Variants in RTTN observed in about 807,000 individuals in gnomAD.
The protein encoded by RTTN is rotatin.
Under a neutral mutation model 269.2 loss-of-function variants are expected in RTTN, and 182 were observed. That is an observed-to-expected ratio of 0.68 (90% confidence interval 0.60 to 0.76). RTTN has a LOEUF of 0.76. Ranked by LOEUF, RTTN falls within the 30% of genes least tolerant of loss-of-function variation. The probability of loss-of-function intolerance (pLI) is 0.00; values close to 1 mark genes in which losing one functional copy is unlikely to be tolerated. For synonymous variants in RTTN, 1,006 were observed against 963.5 expected, an observed-to-expected ratio of 1.04 and a Z score of -0.82; for missense variants, 2,545 against 2,608.6, an observed-to-expected ratio of 0.98 and a Z score of 0.53.
intron 32 of RTTN, 132 bp downstream of exon 32, chr18:70,086,481 G>T: frequency 2.6e-6 from 2 of 770,280 alleles, no homozygotes; most frequent in Non-Finnish European, 4.4e-6. Context: ...CAAATTCTAC[G>T]TTCTATTTTA....
rs370191861 is a variant in RTTN at position 70,119,601 on chromosome 18, T to A, written c.3528+1955A>T. 2.0e-5 allele frequency among the ~76,000 whole-genome samples: 3 copies of A among 152,028 alleles called. No individual in the cohort carries two copies. The East Asian group carries it at 5.8e-4, about 29-fold the overall frequency. On this transcript the variant is annotated intron_variant, in intron 26 of 48. Transcript: ENST00000640769. ...ATACAATTCATGAAAAGACCGAATA[T>A]GAAAAAATCTCCATCTAATTCAAAA...
At chr18:70,006,319 T>A in intron 47 of RTTN, 62 bp downstream of exon 47, 2 of 1,178,296 alleles carry the variant, frequency 1.7e-6, no homozygotes, top group Non-Finnish European at 2.5e-6. Context: ...TCCTAAGAGT[T>A]TATACCTGGG....
chr18:70,043,158 A>G (rs1821579), intron 40 of RTTN, among the ~76,000 whole-genome samples: 113,580 of 152,204 alleles, frequency 0.75, 47,789 homozygotes, highest in East Asian at 1. Context: ...AGTTCTGACA[A>G]TTCTGAACAC....
intron 28 of RTTN, among the ~76,000 whole-genome samples, chr18:70,102,648 TAC>T (rs2059201392): frequency 6.6e-6 from 1 of 152,212 alleles, no homozygotes; most frequent in African/African-American, 2.4e-5. Flanking sequence ...CGTTAGTTGA[TAC>T]AGTTTCTTCC....
At chr18:70,037,512 G>A (rs549636653) in intron 40 of RTTN, among the ~76,000 whole-genome samples, 12 of 152,254 alleles carry the variant, frequency 7.9e-5, no homozygotes, top group African/African-American at 2.6e-4. Flanking sequence ...ACAAAATGTG[G>A]GCCAAGGGAA....
At chr18:70,200,230 G>A (rs2061914299) in intron 4 of RTTN, among the ~76,000 whole-genome samples, 1 of 152,154 alleles carries the variant, frequency 6.6e-6, no homozygotes, top group Non-Finnish European at 1.5e-5. Flanking sequence ...CCCAAACATA[G>A]CACAGTTACT....
rs1439768629 is a variant in RTTN at position 70,006,452 on chromosome 18, C to T, written c.6454G>A (p.Glu2152Lys). Residue 2152 changes from glutamate to lysine, a missense_variant, in exon 47 of 49, where the codon GAA (glutamate) becomes AAA (lysine). Glu to Lys is a moderately conservative substitution (Grantham distance 56, BLOSUM62 1). Transcript: ENST00000640769. ...KVITVLAACL[E>K]SENQNAQRIG... ...CTCTGAGCATTTTGATTCTCACTTT[C>T]CAGACAGGCAGCAAGCACAGTAATG... is the stretch of plus-strand genomic sequence containing the variant. 1.9e-6 allele frequency: 3 copies of T among 1,614,064 alleles called. No homozygotes were observed. In the African/African-American group the frequency reaches 4.0e-5, roughly 22 times the overall value.
chr18:70,028,837 C>T, intron 42 of RTTN, 36 bp from the exon 43 acceptor site: 5 of 1,386,832 alleles, frequency 3.6e-6, no homozygotes, highest in Non-Finnish European at 5.1e-6. Context: ...ACTGTGAATG[C>T]AACAGCATAC....
chr18:70,187,062 G>A (rs1220329146), intron 10 of RTTN, among the ~76,000 whole-genome samples: 1 of 152,044 alleles, frequency 6.6e-6, no homozygotes, highest in Admixed American at 6.6e-5. Context: ...ATCTACCCTA[G>A]AGACATACCT....
chr18:70,020,687 C>T lies in RTTN; in HGVS notation c.6081G>A (p.Thr2027=), dbSNP rs1176322186. Residue 2027 remains threonine (T), a synonymous_variant, in exon 45 of 49, where the codon ACG becomes ACA. Coordinates refer to ENST00000640769, the MANE Select transcript of RTTN (RefSeq NM_173630.4). ...LASQMPLENT[T]VQQMVFMLLS... ...GAAGCATAAAAACCATCTGCTGAAC[C>T]GTGGTGTTCTCCAGTGGCATCTGGG... 5 of 1,614,052 alleles carry T rather than the reference C, an allele frequency of 3.1e-6. No individual in the cohort carries two copies. Among genetic ancestry groups the T allele is most frequent in the Non-Finnish European group, 4.2e-6 (5 of 1,179,938 alleles).
intron 16 of RTTN, 149 bp from the exon 17 acceptor site, chr18:70,149,186 A>G: frequency 1.5e-6 from 1 of 679,346 alleles, no homozygotes; most frequent in Non-Finnish European, 2.4e-6. Context: ...AATAACTTCT[A>G]TGAGCCAAGG....
intron 34 of RTTN, among the ~76,000 whole-genome samples, chr18:70,069,040 C>T (rs1343956821): frequency 6.6e-6 from 1 of 152,076 alleles, no homozygotes; most frequent in East Asian, 1.9e-4. Context: ...GATGTTTGGT[C>T]AAAGAGTGCA....
At chr18:70,141,444 TA>T (rs1230746592) in intron 19 of RTTN, among the ~76,000 whole-genome samples, 6 of 152,122 alleles carry the variant, frequency 3.9e-5, no homozygotes, top group African/African-American at 1.4e-4. Flanking sequence ...TATGCAGCCA[TA>T]AAAAAGGATG....
intron 27 of RTTN, among the ~76,000 whole-genome samples, chr18:70,113,453 C>T (rs1007878674): frequency 6.6e-6 from 1 of 152,150 alleles, no homozygotes; most frequent in South Asian, 2.1e-4. Flanking sequence ...AATGGTATAG[C>T]TGCTGTGGAA....
chr18:70,176,854 A>G lies in RTTN; in HGVS notation c.1306-9T>C. Reference sequence around the variant, plus strand: ...AGGAGTAGTTTCTCCTTCTGAAAACATTTACACAACATGAAACAGAAGAAA... The same window carrying G: ...AGGAGTAGTTTCTCCTTCTGAAAACGTTTACACAACATGAAACAGAAGAAA... On this transcript the variant is annotated splice_polypyrimidine_tract_variant and intron_variant, in intron 10 of 48. Coordinates refer to ENST00000640769, the MANE Select transcript of RTTN (RefSeq NM_173630.4). The G allele has an allele frequency of 6.2e-7, 1 of 1,611,316 alleles. No individual in the cohort carries two copies. The highest frequency in any genetic ancestry group is 8.5e-7 in the Non-Finnish European group (1 of 1,178,528).
intron 8 of RTTN, among the ~76,000 whole-genome samples, chr18:70,191,826 C>T (rs1285609058): frequency 2.6e-5 from 4 of 152,168 alleles, no homozygotes; most frequent in African/African-American, 7.2e-5. Context: ...GGAAACAACT[C>T]GGGCTTCTCT....
In RTTN at chr18:70,109,706, T is replaced by C. The variant is rs768255884; in HGVS notation, c.3695A>G (p.Glu1232Gly). 1 of 1,613,674 alleles carries C rather than the reference T, an allele frequency of 6.2e-7. No homozygotes were observed. The highest frequency in any genetic ancestry group is 1.1e-5 in the South Asian group (1 of 91,044). ...CTGCGTTTGAAAAACGTAAAGAAGT[T>C]CCGAGCATTTCCTATGTATGCAAAA... ...FMEVTDRKCS[E>G]LLYVFQTQLA... The change falls in exon 28 of 49, where the codon GAA (glutamate) becomes GGA (glycine). Residue 1232 changes from glutamate to glycine, a missense_variant. By Grantham distance (98) the Glu-to-Gly change is moderately conservative. Transcript: ENST00000640769.
At position 70,020,758 on chromosome 18, in the gene RTTN, C is replaced by T; in HGVS notation, c.6010G>A (p.Gly2004Arg). The change falls in exon 45 of 49, where the codon GGA (glycine) becomes AGA (arginine). Residue 2004 changes from glycine to arginine, a missense_variant. By Grantham distance (125) the Gly-to-Arg change is moderately radical (BLOSUM62 -2). Transcript: ENST00000640769. ...GQHPVQATHR[G>R]AVSNSLMLCI... Reference sequence around the variant, plus strand: ...AGCATCAGAGAGTTGCTCACGGCTCCTCTATGTGTAGCTTGAACAGGGTGT... The same window carrying T: ...AGCATCAGAGAGTTGCTCACGGCTCTTCTATGTGTAGCTTGAACAGGGTGT... The T allele has an allele frequency of 6.2e-7, 1 of 1,614,034 alleles. No individual in the cohort carries two copies.
intron 23 of RTTN, 156 bp from the exon 24 acceptor site, chr18:70,128,702 A>T (rs1249568986): frequency 3.3e-6 from 2 of 612,338 alleles, no homozygotes; most frequent in Non-Finnish European, 5.8e-6. Flanking sequence ...CATAATTTAT[A>T]CAGTATTTCA....
Sources: allele counts gnomAD v4.1 joint callset (sites outside exome capture counted in the v4.1 genomes callset), GRCh38; gene constraint gnomAD v4.1.1; transcripts MANE v1.5; gene names NCBI Gene and HGNC (gene_info 2026-07-23, HGNC 2026-07-21).